The following RAB35 variants were observed in gnomAD, a reference collection of about 807,000 sequenced individuals.
The protein encoded by RAB35 is RAB35, member RAS oncogene family.
A neutral mutation model predicts 28.9 loss-of-function variants in RAB35; 4 were observed. That is an observed-to-expected ratio of 0.14 (90% CI 0.07 to 0.32). RAB35 has a LOEUF of 0.32. Among genes scored for constraint, RAB35 ranks in the 10% least tolerant of loss-of-function variants. RAB35 has a pLI of 1.00. For synonymous variants in RAB35, 99 were observed against 105.1 expected (o/e 0.94, Z 0.35); for missense variants, 128 against 274.0 (o/e 0.47, Z 3.76).
At chr12:120,102,278 G>C (rs1375275282) in intron 3 of RAB35, among the ~76,000 whole-genome samples, 2 of 152,234 alleles carry the variant, frequency 1.3e-5, no homozygotes, top group African/African-American at 4.8e-5. Context: ...GACCAACCCA[G>C]AGCAAGGATT....
intron 1 of RAB35, among the ~76,000 whole-genome samples, chr12:120,114,709 C>G (rs933964299): frequency 6.6e-6 from 1 of 152,260 alleles, no homozygotes; most frequent in African/African-American, 2.4e-5. Context: ...TCTCCCACAC[C>G]TGACTTCGGA....
At chr12:120,097,534 T>C (rs969887794) in intron 5 of RAB35, among the ~76,000 whole-genome samples, 161 bp from the exon 6 acceptor site, 1 of 152,240 alleles carries the variant, frequency 6.6e-6, no homozygotes, top group Non-Finnish European at 1.5e-5. Flanking sequence ...TGGTGAATTA[T>C]TTTATTTAAA....
At chr12:120,116,337 G>A (rs1183770643) in intron 1 of RAB35, among the ~76,000 whole-genome samples, 1 of 152,084 alleles carries the variant, frequency 6.6e-6, no homozygotes, top group African/African-American at 2.4e-5. Flanking sequence ...TCCAGAGATC[G>A]CGCGACTTGA....
intron 1 of RAB35, among the ~76,000 whole-genome samples, chr12:120,113,343 T>G (rs1360971087): frequency 6.6e-6 from 1 of 152,060 alleles, no homozygotes; most frequent in Non-Finnish European, 1.5e-5. Flanking sequence ...TAAACCTGCC[T>G]CAGCCACCAC....
intron 1 of RAB35, among the ~76,000 whole-genome samples, chr12:120,108,966 T>C (rs879281297): frequency 2.6e-5 from 4 of 152,310 alleles, no homozygotes; most frequent in South Asian, 2.1e-4. Context: ...AAGGCCCACA[T>C]AGCTAGAACT....
intron 1 of RAB35, among the ~76,000 whole-genome samples, chr12:120,115,292 G>A (rs970957388): frequency 6.6e-6 from 1 of 152,062 alleles, no homozygotes; most frequent in Non-Finnish European, 1.5e-5. Context: ...CTCTGACATC[G>A]CTACCCAACA....
chr12:120,108,154 G>GA (rs1875966588), intron 2 of RAB35, among the ~76,000 whole-genome samples: 1 of 152,098 alleles, frequency 6.6e-6, no homozygotes, highest in Admixed American at 6.6e-5. Context: ...GCTGTTATGG[G>GA]AACCTTCCTG....
intron 1 of RAB35, among the ~76,000 whole-genome samples, chr12:120,114,717 G>A (rs945427061): frequency 6.6e-5 from 10 of 152,168 alleles, no homozygotes; most frequent in Non-Finnish European, 1.3e-4. Flanking sequence ...ACCTGACTTC[G>A]GAGAGAAAAA....
rs1188007794 is a variant in RAB35, at chr12:120,095,320, A to C, written c.*1925T>G. ...GGGACAGGCACACTGTCATGACCAAAATCACCCCAATACCTGGGGCTGATG... is the reference window on the plus strand; with the variant it reads ...GGGACAGGCACACTGTCATGACCAACATCACCCCAATACCTGGGGCTGATG... On this transcript the variant is annotated 3_prime_UTR_variant, in exon 6 of 6. Transcript: ENST00000229340. 1 of 150,324 alleles carries C rather than the reference A, an allele frequency of 6.7e-6. No individual in the cohort carries two copies. Among genetic ancestry groups the C allele is most frequent in the East Asian group, 2.0e-4 (1 of 5,044 alleles). 9.3% of individuals were successfully genotyped at this position (150,324 alleles called of 1,614,324 possible).
intron 5 of RAB35, among the ~76,000 whole-genome samples, chr12:120,097,965 A>G (rs1029577976): frequency 1.3e-5 from 2 of 149,098 alleles, no homozygotes; most frequent in African/African-American, 5.0e-5. Flanking sequence ...CTCACTGCAA[A>G]CTCTGCCTCC....
At chr12:120,102,905 G>A (rs1208741663) in intron 3 of RAB35, among the ~76,000 whole-genome samples, 2 of 152,152 alleles carry the variant, frequency 1.3e-5, no homozygotes, top group Non-Finnish European at 2.9e-5. Flanking sequence ...CCACTGTGTG[G>A]AGCACAGGCT....
Position 120,096,780 on chromosome 12 carries a change from A to G in RAB35, c.*465T>C, listed in dbSNP as rs1875418706. Reference sequence around the variant, plus strand: ...GAATGAGCAACGCGGAGCCCACTCCACTGGCACGGGCTGGCCGCAGACGCA... The same window carrying G: ...GAATGAGCAACGCGGAGCCCACTCCGCTGGCACGGGCTGGCCGCAGACGCA... On this transcript the variant is annotated 3_prime_UTR_variant, in exon 6 of 6. Coordinates refer to ENST00000229340, the MANE Select transcript of RAB35 (RefSeq NM_006861.7). 16 of 1,290,546 alleles carry G rather than the reference A, an allele frequency of 1.2e-5. No homozygotes were observed. The highest frequency in any genetic ancestry group is 1.6e-5 in the Non-Finnish European group (16 of 989,424). 79.9% of individuals were successfully genotyped at this position (1,290,546 alleles called of 1,614,324 possible). A position where few individuals can be genotyped will look rare whatever the true frequency, so the allele number is the denominator to read the frequency against.
intron 1 of RAB35, among the ~76,000 whole-genome samples, chr12:120,114,947 C>T (rs781012581): frequency 1.3e-5 from 2 of 152,210 alleles, no homozygotes; most frequent in Non-Finnish European, 2.9e-5. Context: ...GTGCCAGTCC[C>T]TCAGAACCCA....
Position 120,102,967 on chromosome 12 carries a change from G to A in RAB35, c.227+859C>T, listed in dbSNP as rs116246261. The stretch of plus-strand genomic sequence containing the variant: ...GCGCCCTCTGTCAAATGGGATGACA[G>A]CAGCACCAAGCACACAGAGCTGCCA... On this transcript the variant is annotated intron_variant, in intron 3 of 5. Coordinates refer to ENST00000229340, the MANE Select transcript of RAB35 (RefSeq NM_006861.7). Among the ~76,000 whole-genome samples, 709 of 152,284 alleles carry A rather than the reference G, an allele frequency of 4.7e-3. 5 individuals carry two copies. The highest frequency in any genetic ancestry group is 0.016 in the African/African-American group (678 of 41,558).
rs963183132 is a variant in RAB35 at position 120,108,536 on chromosome 12, C to G, written c.53-69G>C. 2.7e-6 allele frequency: 4 copies of G among 1,458,784 alleles called. No individual in the cohort carries two copies. In the African/African-American group the frequency reaches 5.6e-5, roughly 20 times the overall value. 90.4% of individuals were successfully genotyped at this position (1,458,784 alleles called of 1,614,324 possible). A position where few individuals can be genotyped will look rare whatever the true frequency, so the allele number is the denominator to read the frequency against. ...CCTCCCCGCAGCCCCAGCCCTTCTT[C>G]CGGGAGAGGATGCCTCAGTCCCAAC... On this transcript the variant is annotated intron_variant, in intron 1 of 5. Transcript: ENST00000229340.
intron 1 of RAB35, 110 bp downstream of exon 1, chr12:120,116,489 G>A: frequency 2.5e-6 from 1 of 404,460 alleles, no homozygotes; most frequent in Non-Finnish European, 3.3e-6. Flanking sequence ...GGGCTGCCCC[G>A]CCCGCCCGCC....
chr12:120,099,339 C>G (rs1287156384), intron 3 of RAB35, 185 bp from the exon 4 acceptor site: 9 of 754,980 alleles, frequency 1.2e-5, no homozygotes, highest in Non-Finnish European at 1.9e-5. Flanking sequence ...GCTACTGCGG[C>G]AGCACTGACT....
At chr12:120,098,692 C>G (rs1380772394) in intron 5 of RAB35, 119 bp downstream of exon 5, 2 of 1,410,266 alleles carry the variant, frequency 1.4e-6, no homozygotes, top group African/African-American at 2.9e-5. Flanking sequence ...AGTAGGCACT[C>G]AATAAATGGC....
rs78762237 is a variant in RAB35 at position 120,103,653 on chromosome 12, C to T, written c.227+173G>A. On this transcript the variant is annotated intron_variant, in intron 3 of 5. Coordinates refer to ENST00000229340, the MANE Select transcript of RAB35 (RefSeq NM_006861.7). The surrounding 1 kb of genome is among the most constrained non-coding windows in gnomAD (Gnocchi z 6.1). Reference sequence around the variant, plus strand: ...CCCCACAGCACCCCCCTCACATCTTCAGGACCAGGAAGGGTGCAGCCAAAC... The same window carrying T: ...CCCCACAGCACCCCCCTCACATCTTTAGGACCAGGAAGGGTGCAGCCAAAC... Among the ~76,000 whole-genome samples the T allele has an allele frequency of 2.0e-5, 3 of 152,220 alleles. No homozygotes were observed. The highest frequency in any genetic ancestry group is 2.0e-4 in the Admixed American group (3 of 15,286).
Sources: gnomAD v4.1 joint callset for allele counts (sites outside exome capture counted in the v4.1 genomes callset) on GRCh38, gnomAD v4.1.1 for gene constraint, Gnocchi (gnomAD v3.1) non-coding constraint, MANE v1.5 for transcripts, NCBI Gene and HGNC (gene_info 2026-07-23, HGNC 2026-07-21) for gene names.